UPF2: variants seen among roughly 807,000 people sequenced by gnomAD.
UPF2 encodes regulator of nonsense transcripts 2.
UPF2 carries 17 observed loss-of-function variants against 141.4 expected under a neutral mutation model. That is an observed-to-expected ratio of 0.12 (90% CI 0.08 to 0.18). The LOEUF is 0.18. UPF2 is among the 10% of genes least tolerant of loss of function. The probability of loss-of-function intolerance (pLI) is 1.00; values close to 1 mark genes in which losing one functional copy is unlikely to be tolerated. For synonymous variants in UPF2, 540 were observed against 498.0 expected, an observed-to-expected ratio of 1.08 and a Z score of -1.12; for missense variants, 1,152 against 1,515.9, an observed-to-expected ratio of 0.76 and a Z score of 3.99.
At chr10:12,012,562 C>T (rs1167466551) in intron 4 of UPF2, among the ~76,000 whole-genome samples, 3 of 150,888 alleles carry the variant, frequency 2.0e-5, no homozygotes, top group Non-Finnish European at 4.4e-5. Context: ...TACCTCGGCC[C>T]ACAGCCAATT....
At chr10:11,948,316 C>G in intron 16 of UPF2, 53 bp downstream of exon 16, 1 of 1,378,464 alleles carries the variant, frequency 7.3e-7, no homozygotes, top group Non-Finnish European at 9.6e-7. Flanking sequence ...CTCATATAAT[C>G]AAAATACTCT....
intron 9 of UPF2, among the ~76,000 whole-genome samples, chr10:11,972,879 A>G (rs945834201): frequency 3.9e-5 from 6 of 152,128 alleles, no homozygotes; most frequent in Admixed American, 1.3e-4. Context: ...CATGATTTAT[A>G]ATCCTTTGGG....
chr10:11,929,718 A>T, intron 21 of UPF2, 147 bp downstream of exon 21: 1 of 1,146,078 alleles, frequency 8.7e-7, no homozygotes, highest in Non-Finnish European at 1.2e-6. Flanking sequence ...TCAAATATCT[A>T]CTTTTCTATT....
intron 1 of UPF2, among the ~76,000 whole-genome samples, chr10:12,038,962 C>T (rs1004501219): frequency 4.6e-5 from 7 of 152,036 alleles, no homozygotes; most frequent in African/African-American, 9.7e-5. Context: ...CCACTATACC[C>T]GGGCAGCATT....
chr10:11,992,435 C>T lies in UPF2; in HGVS notation c.1844+5237G>A, dbSNP rs186466528. Among the ~76,000 whole-genome samples, 3 of 152,162 alleles carry T rather than the reference C, an allele frequency of 2.0e-5. No homozygotes were observed. Among genetic ancestry groups the T allele is most frequent in the Non-Finnish European group, 4.4e-5 (3 of 67,970 alleles). ...GACTAAAGAGAGTAAGAAAAGAAGA[C>T]ACCACAAACTAATCTTACCACTGCT... is the stretch of plus-strand genomic sequence containing the variant. On this transcript the variant is annotated intron_variant, in intron 8 of 21. Transcript: ENST00000357604. This position sits in a 1 kb window ranked among gnomAD's most constrained non-coding sequence, Gnocchi z 4.1.
At chr10:11,937,043 A>G (rs976772738) in intron 18 of UPF2, among the ~76,000 whole-genome samples, 2 of 152,162 alleles carry the variant, frequency 1.3e-5, no homozygotes, top group Non-Finnish European at 2.9e-5. Flanking sequence ...CCTTCTATTC[A>G]TCCTCCTAGA....
At chr10:12,038,664 G>A (rs183470985) in intron 1 of UPF2, among the ~76,000 whole-genome samples, 2,050 of 151,958 alleles carry the variant, frequency 0.013, 44 homozygotes, top group Admixed American at 0.057. Context: ...GGGAGGCGGA[G>A]GCTGCAGTAA....
chr10:12,025,581 T>G (rs187687607), intron 3 of UPF2, among the ~76,000 whole-genome samples: 2 of 151,950 alleles, frequency 1.3e-5, no homozygotes, highest in Non-Finnish European at 2.9e-5. Flanking sequence ...AATAAATAAA[T>G]AGGCTGTGAC....
rs1474388987 is a variant in UPF2 at position 12,016,845 on chromosome 10, A to G, written c.1146-2661T>C. Among the ~76,000 whole-genome samples, 1 of 151,918 alleles carries G rather than the reference A, an allele frequency of 6.6e-6. No individual in the cohort carries two copies. The highest frequency in any genetic ancestry group is 2.1e-4 in the South Asian group (1 of 4,812). On this transcript the variant is annotated intron_variant, in intron 3 of 21. Transcript: ENST00000357604. This position sits in a 1 kb window ranked among gnomAD's most constrained non-coding sequence, Gnocchi z 4.1. ...CAAGATCAGCCTGGCCCATGGTGAA[A>G]ACTCGTCTCTACAAAAACATAAAAA...
At chr10:12,015,242 G>A (rs1834197466) in intron 3 of UPF2, among the ~76,000 whole-genome samples, 1 of 152,130 alleles carries the variant, frequency 6.6e-6, no homozygotes, top group Non-Finnish European at 1.5e-5. Context: ...CTTACAAACA[G>A]TGAAGAAAAC....
At chr10:11,942,141 T>C (rs1832943542) in intron 18 of UPF2, among the ~76,000 whole-genome samples, 3 of 152,038 alleles carry the variant, frequency 2.0e-5, no homozygotes, top group Admixed American at 6.6e-5. Context: ...TGGGAGGCCG[T>C]AGCAGGAGGA....
chr10:11,948,495 G>T lies in UPF2; in HGVS notation c.3048C>A (p.Asp1016Glu). ...CTGTCATAGAATCTTTTGAGTCTTT[G>T]TCATTTACTAGGCCTTGAAATGAGA... Reference protein sequence around the residue: ...EFLIKLGLVNDKDSKDSMTEG... With the variant: ...EFLIKLGLVNEKDSKDSMTEG... The change falls in exon 16 of 22, where the codon GAC (aspartate) becomes GAA (glutamate). Residue 1016 changes from aspartate to glutamate, a missense_variant. Physicochemically the swap from Asp to Glu is conservative, Grantham distance 45. Around this residue, in one of 4 missense-constraint regions of UPF2, gnomAD observed 202 missense variants for 223.6 expected, o/e 0.90. Transcript: ENST00000357604. 2 of 1,611,960 alleles carry T rather than the reference G, an allele frequency of 1.2e-6. No individual in the cohort carries two copies.
chr10:11,944,950 C>A (rs1055249339), intron 16 of UPF2, among the ~76,000 whole-genome samples: 1 of 152,200 alleles, frequency 6.6e-6, no homozygotes. Context: ...TGATCTTGGG[C>A]AAATTATTCA....
At chr10:11,932,649 A>G (rs1832796956) in intron 19 of UPF2, among the ~76,000 whole-genome samples, 1 of 152,236 alleles carries the variant, frequency 6.6e-6, no homozygotes, top group Admixed American at 6.5e-5. Flanking sequence ...CCTTTACTGC[A>G]GAGCTGCTAA....
chr10:11,970,132 G>A (rs931076995), intron 9 of UPF2, among the ~76,000 whole-genome samples: 2 of 152,120 alleles, frequency 1.3e-5, no homozygotes, highest in Admixed American at 1.3e-4. Flanking sequence ...AACTCCCTGA[G>A]CCTGTCTGCC....
At chr10:12,022,014 C>T (rs1017202540) in intron 3 of UPF2, among the ~76,000 whole-genome samples, 3 of 151,934 alleles carry the variant, frequency 2.0e-5, no homozygotes, top group African/African-American at 4.8e-5. Context: ...GTGGCAGGTG[C>T]ATGTAGTCCC....
At chr10:11,997,542 G>T in intron 8 of UPF2, 130 bp downstream of exon 8, 1 of 657,736 alleles carries the variant, frequency 1.5e-6, no homozygotes, top group Non-Finnish European at 2.4e-6. Flanking sequence ...TAAAAAATAT[G>T]CTAATAATGC....
At chr10:11,923,104 A>G (rs1294787809) in intron 21 of UPF2, 5 of 152,222 alleles carry the variant, frequency 3.3e-5, no homozygotes, top group South Asian at 2.1e-4. Context: ...GTATACTCCT[A>G]TGCCGCTAAG....
At chr10:11,989,035 G>A (rs936077243) in intron 8 of UPF2, among the ~76,000 whole-genome samples, 9 of 152,258 alleles carry the variant, frequency 5.9e-5, no homozygotes, top group African/African-American at 1.7e-4. Flanking sequence ...GCACCTGGAA[G>A]TGAAGGACAA....
Sources: allele counts gnomAD v4.1 joint callset (sites outside exome capture counted in the v4.1 genomes callset), GRCh38; gene constraint gnomAD v4.1.1; regional missense constraint gnomAD v4.1.1; non-coding constraint Gnocchi (gnomAD v3.1); transcripts MANE v1.5; gene names NCBI Gene and HGNC (gene_info 2026-07-23, HGNC 2026-07-21).